The following CAMTA1 variants were observed in gnomAD, a reference collection of about 807,000 sequenced individuals.
The protein encoded by CAMTA1 is calmodulin binding transcription activator 1, also known as calmodulin-binding transcription activator 1.
In CAMTA1, 27 loss-of-function variants were observed where a neutral mutation model predicts 170.9. The ratio of observed to expected loss-of-function variants is 0.16; its 90% CI spans 0.12 to 0.22. The LOEUF (loss-of-function observed/expected upper bound fraction) is 0.22, where lower values mean the gene tolerates loss of function less well. Ranked by LOEUF, CAMTA1 falls within the 10% of genes least tolerant of loss-of-function variation. CAMTA1 has a pLI of 1.00. For missense variants in CAMTA1, 1,619 were observed against 2,217.2 expected, an observed-to-expected ratio of 0.73 and a Z score of 5.42; for synonymous variants, 833 against 891.5, an observed-to-expected ratio of 0.93 and a Z score of 1.17.
rs372724475 is a variant in CAMTA1, at chr1:6,948,621, T to C, written c.234+123411T>C. ...TGGGGACAGGGTGGGGCATCATGTG[T>C]GTTGATTATCTTCCCTATGTTAGAC... On this transcript the variant is annotated intron_variant, in intron 3 of 22. Transcript: ENST00000303635. Among the ~76,000 whole-genome samples the C allele has an allele frequency of 3.2e-4, 49 of 152,268 alleles. 1 individual carries two copies. In the South Asian group the frequency reaches 0.01, roughly 32 times the overall value.
intron 21 of CAMTA1, 118 bp downstream of exon 21, chr1:7,752,651 C>A: frequency 1.3e-6 from 1 of 757,696 alleles, no homozygotes; most frequent in East Asian, 2.9e-5. Context: ...TCAGGGCAGA[C>A]GTCCCAAATT....
In CAMTA1 at chr1:7,278,717, T is replaced by C. The variant is rs150565454; in HGVS notation, c.438+29091T>C. On this transcript the variant is annotated intron_variant, in intron 5 of 22. Coordinates refer to ENST00000303635, the MANE Select transcript of CAMTA1 (RefSeq NM_015215.4). ...TTCTGGGGTTCATTTACTCTAGAAA[T>C]ATTTATTGAGCACCTTCCACAGGCC... 1.5e-3 allele frequency among the ~76,000 whole-genome samples: 224 copies of C among 152,322 alleles called. 2 individuals are homozygous for C. The highest frequency in any genetic ancestry group is 5.2e-3 in the African/African-American group (217 of 41,572).
chr1:7,440,308 T>A (rs1278546440), intron 5 of CAMTA1, among the ~76,000 whole-genome samples: 1 of 152,182 alleles, frequency 6.6e-6, no homozygotes, highest in South Asian at 2.1e-4. Flanking sequence ...ACCTCTTCCC[T>A]CTCCATCCTC....
At chr1:6,919,967 C>A (rs1249274078) in intron 3 of CAMTA1, among the ~76,000 whole-genome samples, 1 of 151,960 alleles carries the variant, frequency 6.6e-6, no homozygotes, top group Non-Finnish European at 1.5e-5. Flanking sequence ...AGAGCTAAAC[C>A]ATATCATTCC....
chr1:7,628,958 A>C (rs2095650984), intron 6 of CAMTA1, among the ~76,000 whole-genome samples: 1 of 152,066 alleles, frequency 6.6e-6, no homozygotes, highest in Admixed American at 6.5e-5. Context: ...GTGCTGTTCC[A>C]CCCTCTGTCT....
intron 4 of CAMTA1, among the ~76,000 whole-genome samples, chr1:7,161,865 C>A (rs1558187958): frequency 6.6e-6 from 1 of 152,116 alleles, no homozygotes; most frequent in African/African-American, 2.4e-5. Flanking sequence ...CAGTAAGGGG[C>A]AAGCAATGAA....
chr1:7,087,391 C>A (rs1640889784), intron 3 of CAMTA1, among the ~76,000 whole-genome samples: 1 of 152,162 alleles, frequency 6.6e-6, no homozygotes, highest in Admixed American at 6.5e-5. Flanking sequence ...CTTGATCCTG[C>A]TGGAAGGAGA....
intron 6 of CAMTA1, among the ~76,000 whole-genome samples, chr1:7,577,567 T>A (rs1438592765): frequency 6.6e-6 from 1 of 152,054 alleles, no homozygotes; most frequent in Non-Finnish European, 1.5e-5. Context: ...CAACCCTTTT[T>A]TTTTTTAAGC....
At chr1:7,332,626 G>A (rs1179249360) in intron 5 of CAMTA1, among the ~76,000 whole-genome samples, 4 of 152,272 alleles carry the variant, frequency 2.6e-5, no homozygotes, top group South Asian at 4.1e-4. Context: ...TAATTTTCCC[G>A]CAGCCATTGT....
At chr1:7,600,669 G>C (rs553519821) in intron 6 of CAMTA1, among the ~76,000 whole-genome samples, 3,187 of 151,808 alleles carry the variant, frequency 0.021, 110 homozygotes, top group African/African-American at 0.074. Context: ...TTGAGATTAG[G>C]GAGTGGTGAT....
chr1:7,417,241 G>A (rs2091246496), intron 5 of CAMTA1, among the ~76,000 whole-genome samples: 2 of 152,288 alleles, frequency 1.3e-5, no homozygotes, highest in African/African-American at 4.8e-5. Context: ...ACTTGAGGAG[G>A]CAGTCTGCCC....
At position 7,014,199 on chromosome 1, in the gene CAMTA1, C is replaced by T. The variant is rs1187331493; in HGVS notation, c.235-77105C>T. Reference sequence around the variant, plus strand: ...AGCCACAGCCTGGGTTTGGGGTACCCTGTCTGGCTCTTGTTCTTCAAACCC... The same window carrying T: ...AGCCACAGCCTGGGTTTGGGGTACCTTGTCTGGCTCTTGTTCTTCAAACCC... On this transcript the variant is annotated intron_variant, in intron 3 of 22. Coordinates refer to ENST00000303635, the MANE Select transcript of CAMTA1 (RefSeq NM_015215.4). The surrounding 1 kb of genome is among the most constrained non-coding windows in gnomAD (Gnocchi z 4.2). 6.6e-6 allele frequency: 1 copy of T among 152,258 alleles called. No individual in the cohort carries two copies. Among genetic ancestry groups the T allele is most frequent in the Non-Finnish European group, 1.5e-5 (1 of 68,064 alleles). 9.4% of individuals were successfully genotyped at this position (152,258 alleles called of 1,614,324 possible).
At chr1:6,852,857 G>C (rs1347061546) in intron 3 of CAMTA1, among the ~76,000 whole-genome samples, 1 of 152,184 alleles carries the variant, frequency 6.6e-6, no homozygotes, top group Non-Finnish European at 1.5e-5. Context: ...GGTGGGGTGG[G>C]GAGCAGAGTG....
chr1:7,223,930 A>C (rs934386475), intron 4 of CAMTA1, among the ~76,000 whole-genome samples: 1 of 152,166 alleles, frequency 6.6e-6, no homozygotes, highest in African/African-American at 2.4e-5. Context: ...ATATTTAACG[A>C]AGGTATCATC....
At chr1:7,334,711 A>G (rs1301575007) in intron 5 of CAMTA1, among the ~76,000 whole-genome samples, 4 of 152,200 alleles carry the variant, frequency 2.6e-5, no homozygotes, top group East Asian at 3.9e-4. Context: ...AAAATGACCT[A>G]TAACTGGCAG....
At chr1:6,888,113 AG>A in intron 3 of CAMTA1, 1 of 983,224 alleles carries the variant, frequency 1.0e-6, no homozygotes, top group African/African-American at 1.7e-5. Context: ...GCTCCATGAG[AG>A]CAGGGCCTTT....
rs2095708854 is a variant in CAMTA1, at chr1:7,635,946, A to C, written c.511-4454A>C. On this transcript the variant is annotated intron_variant, in intron 6 of 22. Transcript: ENST00000303635. The surrounding 1 kb of genome is among the most constrained non-coding windows in gnomAD (Gnocchi z 4.4). ...CAGCCCATGTCTGAAAACCAGCCCC[A>C]CGCCAGGAAATCGTTACTACTCAAC... Among the ~76,000 whole-genome samples the C allele has an allele frequency of 6.6e-6, 1 of 152,162 alleles. No homozygotes were observed. The highest frequency in any genetic ancestry group is 2.4e-5 in the African/African-American group (1 of 41,444).
intron 6 of CAMTA1, among the ~76,000 whole-genome samples, chr1:7,584,342 G>A (rs542936769): frequency 5.7e-4 from 86 of 152,004 alleles, no homozygotes; most frequent in Non-Finnish European, 1.1e-3. Flanking sequence ...AGGGTCGGGG[G>A]CTTCCGGCTG....
chr1:7,451,411 C>T (rs2092821760), intron 5 of CAMTA1, among the ~76,000 whole-genome samples: 1 of 152,160 alleles, frequency 6.6e-6, no homozygotes, highest in African/African-American at 2.4e-5. Flanking sequence ...GCCACTGCGG[C>T]ACTGCCTACG....
Sources: gnomAD v4.1 joint callset for allele counts (sites outside exome capture counted in the v4.1 genomes callset) on GRCh38, gnomAD v4.1.1 for gene constraint, Gnocchi (gnomAD v3.1) non-coding constraint, MANE v1.5 for transcripts, NCBI Gene and HGNC (gene_info 2026-07-23, HGNC 2026-07-21) for gene names.